TMCC1: variants seen among roughly 807,000 people sequenced by gnomAD.
TMCC1 encodes the protein transmembrane and coiled-coil domains protein 1.
TMCC1 carries 15 observed loss-of-function variants against 52.4 expected under a neutral mutation model. The observed-to-expected ratio is 0.29, with a 90% CI of 0.19 to 0.44. TMCC1 has a LOEUF of 0.44. Among genes scored for constraint, TMCC1 ranks in the 20% least tolerant of loss-of-function variants. The pLI is 1.00. For synonymous variants in TMCC1, 279 were observed against 301.9 expected (o/e 0.92, Z 0.79); for missense variants, 503 against 806.0 (o/e 0.62, Z 4.55).
intron 5 of TMCC1, among the ~76,000 whole-genome samples, chr3:129,660,532 GT>G (rs919801709): frequency 2.0e-5 from 3 of 152,084 alleles, no homozygotes; most frequent in Non-Finnish European, 4.4e-5. Flanking sequence ...TATTTATGAT[GT>G]TTTTCCTATG....
At chr3:129,657,929 C>G (rs1201402478) in intron 5 of TMCC1, among the ~76,000 whole-genome samples, 1 of 152,170 alleles carries the variant, frequency 6.6e-6, no homozygotes, top group Non-Finnish European at 1.5e-5. Flanking sequence ...AAACTTATTT[C>G]TTCTATACAA....
intron 4 of TMCC1, among the ~76,000 whole-genome samples, chr3:129,792,494 G>A (rs982971568): frequency 6.6e-6 from 1 of 152,038 alleles, no homozygotes. Flanking sequence ...GGGACCACAG[G>A]CACGCACCAC....
intron 4 of TMCC1, among the ~76,000 whole-genome samples, chr3:129,769,580 G>C (rs954176703): frequency 1.4e-5 from 2 of 147,516 alleles, no homozygotes; most frequent in African/African-American, 5.0e-5. Context: ...AAGCTCATTA[G>C]CTATCGTTAG....
At chr3:129,851,744 CAA>C (rs1326457262) in intron 2 of TMCC1, among the ~76,000 whole-genome samples, 1 of 152,126 alleles carries the variant, frequency 6.6e-6, no homozygotes, top group Admixed American at 6.5e-5. Context: ...GGTACATATA[CAA>C]AAGAGTTCAA....
rs1251591607 is a variant in TMCC1, at chr3:129,649,436, A to G, written c.*2045T>C. ...AATTGGTTCTAATTTTTTTTTTTTT[A>G]AAGAAAAAAAGCACCCTTGTGGCCC... is the stretch of plus-strand genomic sequence containing the variant. On this transcript the variant is annotated 3_prime_UTR_variant, in exon 7 of 7. Coordinates refer to ENST00000393238, the MANE Select transcript of TMCC1 (RefSeq NM_001017395.5). The G allele has an allele frequency of 6.6e-6, 1 of 150,648 alleles. No homozygotes were observed. The highest frequency in any genetic ancestry group is 1.5e-5 in the Non-Finnish European group (1 of 67,668). 9.3% of individuals were successfully genotyped at this position (150,648 alleles called of 1,614,324 possible). A position where few individuals can be genotyped will look rare whatever the true frequency, so the allele number is the denominator to read the frequency against.
chr3:129,659,115 A>T (rs1422616036), intron 5 of TMCC1, among the ~76,000 whole-genome samples: 6 of 129,964 alleles, frequency 4.6e-5, no homozygotes, highest in Non-Finnish European at 6.6e-5. Flanking sequence ...TTTTTTTTTT[A>T]AAGAGATGGG....
intron 4 of TMCC1, among the ~76,000 whole-genome samples, chr3:129,686,273 G>A (rs377433784): frequency 6.6e-6 from 1 of 152,072 alleles, no homozygotes; most frequent in East Asian, 1.9e-4. Context: ...CAAAATATTT[G>A]CATTTTTTAG....
intron 4 of TMCC1, among the ~76,000 whole-genome samples, chr3:129,793,678 C>T (rs948029983): frequency 4.6e-5 from 7 of 152,142 alleles, no homozygotes; most frequent in African/African-American, 1.2e-4. Context: ...CTCTTAAATG[C>T]GTGCTTCACC....
chr3:129,712,001 CAAAAAAAAAAA>C (rs71155567), intron 4 of TMCC1, among the ~76,000 whole-genome samples: 3 of 47,722 alleles, frequency 6.3e-5, no homozygotes, highest in African/African-American at 1.1e-4. Context: ...GACTCTGTCT[CAAAAAAAAAAA>C]AAAAAAAAAA....
chr3:129,793,802 C>A (rs1343655987), intron 4 of TMCC1, among the ~76,000 whole-genome samples: 2 of 152,222 alleles, frequency 1.3e-5, no homozygotes, highest in African/African-American at 4.8e-5. Flanking sequence ...GTGAGCCTCT[C>A]TGTAACTGCT....
At chr3:129,804,027 T>C (rs2057331596) in intron 4 of TMCC1, among the ~76,000 whole-genome samples, 1 of 152,098 alleles carries the variant, frequency 6.6e-6, no homozygotes, top group Non-Finnish European at 1.5e-5. Context: ...ACATGAACAT[T>C]ACCTTAGTCA....
intron 1 of TMCC1, among the ~76,000 whole-genome samples, chr3:129,886,043 A>G (rs1448075448): frequency 6.6e-6 from 1 of 152,052 alleles, no homozygotes; most frequent in Non-Finnish European, 1.5e-5. Context: ...GCCCGGCTTG[A>G]ATACATAATG....
intron 4 of TMCC1, among the ~76,000 whole-genome samples, chr3:129,796,477 A>G (rs2056831707): frequency 6.6e-6 from 1 of 152,146 alleles, no homozygotes; most frequent in African/African-American, 2.4e-5. Flanking sequence ...ATAAGGGAAG[A>G]CTACTGTAGT....
At chr3:129,725,865 T>C (rs1384816066) in intron 4 of TMCC1, among the ~76,000 whole-genome samples, 1 of 152,218 alleles carries the variant, frequency 6.6e-6, no homozygotes, top group Admixed American at 6.5e-5. Context: ...GAGAAAAGTC[T>C]GGGAAAGCAG....
chr3:129,829,232 G>C (rs2058793898), intron 3 of TMCC1, among the ~76,000 whole-genome samples: 2 of 152,162 alleles, frequency 1.3e-5, no homozygotes, highest in Non-Finnish European at 2.9e-5. Flanking sequence ...CAAGAAAGGA[G>C]ATTCAAAGAA....
At chr3:129,782,253 C>T (rs150432639) in intron 4 of TMCC1, among the ~76,000 whole-genome samples, 19 of 151,978 alleles carry the variant, frequency 1.3e-4, no homozygotes, top group Non-Finnish European at 2.2e-4. Context: ...CCAAGAAAGC[C>T]GTAAATTGAA....
chr3:129,664,087 A>G (rs2087258542), intron 5 of TMCC1, among the ~76,000 whole-genome samples: 1 of 152,090 alleles, frequency 6.6e-6, no homozygotes. Context: ...CTCACCCATA[A>G]ATCTCTTTTA....
intron 4 of TMCC1, among the ~76,000 whole-genome samples, chr3:129,694,278 T>C (rs1318284047): frequency 1.3e-5 from 2 of 152,242 alleles, no homozygotes; most frequent in Non-Finnish European, 1.5e-5. Context: ...TGTGTTGTCT[T>C]AGTAATTGCT....
intron 4 of TMCC1, among the ~76,000 whole-genome samples, chr3:129,800,915 A>T (rs1447715994): frequency 6.9e-6 from 1 of 144,564 alleles, no homozygotes; most frequent in African/African-American, 2.6e-5. Context: ...CTCTCTGCAC[A>T]TCTCACACTA....
Sources: allele counts gnomAD v4.1 joint callset (sites outside exome capture counted in the v4.1 genomes callset), GRCh38; gene constraint gnomAD v4.1.1; transcripts MANE v1.5; gene names NCBI Gene and HGNC (gene_info 2026-07-23, HGNC 2026-07-21).